The following ADAM9 variants were observed in gnomAD, a reference collection of about 807,000 sequenced individuals.
ADAM9 encodes disintegrin and metalloproteinase domain-containing protein 9.
Under a neutral mutation model 108.1 loss-of-function variants are expected in ADAM9, and 54 were observed. That is an observed-to-expected ratio of 0.50 (90% CI 0.40 to 0.63). ADAM9 has a LOEUF of 0.63. Ranked by LOEUF, ADAM9 falls within the 20% of genes least tolerant of loss-of-function variation. The pLI is 0.00. For missense variants in ADAM9, 830 were observed against 997.7 expected (o/e 0.83, Z 2.26); for synonymous variants, 316 against 336.0 (o/e 0.94, Z 0.65).
At chr8:39,094,705 A>G (rs997123494) in intron 20 of ADAM9, among the ~76,000 whole-genome samples, 2 of 152,028 alleles carry the variant, frequency 1.3e-5, no homozygotes, top group African/African-American at 4.8e-5. Flanking sequence ...TTGTTGGTGT[A>G]TGATTGTTCA....
intron 18 of ADAM9, among the ~76,000 whole-genome samples, chr8:39,085,388 A>G (rs952052212): frequency 2.0e-5 from 3 of 152,190 alleles, no homozygotes; most frequent in Non-Finnish European, 2.9e-5. Context: ...TTAATGGTAG[A>G]AAAAGTCTTT....
At chr8:39,018,995 C>G in intron 7 of ADAM9, 77 bp downstream of exon 7, 4 of 1,319,398 alleles carry the variant, frequency 3.0e-6, no homozygotes, top group Non-Finnish European at 4.4e-6. Context: ...GAAATCTAAA[C>G]TACACATTGT....
In ADAM9 at chr8:39,023,289, T is replaced by C. The variant is rs569353734; in HGVS notation, c.878T>C (p.Ile293Thr). The change falls in exon 9 of 22, where the codon ATC becomes ACC. Residue 293 changes from isoleucine to threonine, a missense_variant. By Grantham distance (89) the Ile-to-Thr change is moderately conservative (BLOSUM62 -1). Coordinates refer to ENST00000487273, the MANE Select transcript of ADAM9 (RefSeq NM_003816.3). Reference sequence around the variant, plus strand: ...GTGCAGTGGCGGGAAAAGTTTCTTATCACACGTCGGAGACATGACAGTGCA... The same window carrying C: ...GTGCAGTGGCGGGAAAAGTTTCTTACCACACGTCGGAGACATGACAGTGCA... ...NFVQWREKFLITRRRHDSAQL... is the reference protein window; with the variant it reads ...NFVQWREKFLTTRRRHDSAQL... 11 of 1,613,460 alleles carry C rather than the reference T, an allele frequency of 6.8e-6. No homozygotes were observed. The South Asian group carries it at 7.7e-5, about 11-fold the overall frequency.
intron 2 of ADAM9, among the ~76,000 whole-genome samples, chr8:39,009,906 GGC>G: frequency 1.8e-5 from 1 of 55,514 alleles, no homozygotes; most frequent in Non-Finnish European, 3.8e-5. Flanking sequence ...GGGGGGGGGG[GGC>G]AGGGAGAGAG....
At chr8:39,099,856 A>G (rs1839627639) in intron 20 of ADAM9, among the ~76,000 whole-genome samples, 2 of 135,012 alleles carry the variant, frequency 1.5e-5, no homozygotes, top group African/African-American at 5.6e-5. Flanking sequence ...AATTGTGTAT[A>G]TTTTGGGGTA....
intron 1 of ADAM9, among the ~76,000 whole-genome samples, chr8:39,002,965 C>T (rs1836051196): frequency 6.6e-6 from 1 of 152,072 alleles, no homozygotes; most frequent in South Asian, 2.1e-4. Flanking sequence ...TGCAACCTCC[C>T]CATCCTGGCT....
intron 1 of ADAM9, among the ~76,000 whole-genome samples, chr8:39,000,606 G>A (rs1835964382): frequency 6.6e-6 from 1 of 151,596 alleles, no homozygotes; most frequent in Non-Finnish European, 1.5e-5. Flanking sequence ...GGACTGCAGG[G>A]GTGTGTCACC....
At chr8:39,039,848 C>T (rs559995689) in intron 11 of ADAM9, among the ~76,000 whole-genome samples, 12 of 152,244 alleles carry the variant, frequency 7.9e-5, no homozygotes, top group East Asian at 5.8e-4. Context: ...ATAATACAGA[C>T]GTCTTTATGA....
rs1356522067 is a variant in ADAM9, at chr8:39,104,797, T to C, written c.*1097T>C. ...TATCTATGAGTTATCATCTTAGCTG[T>C]GTTAAAAATGAATTTTTACTATGGC... On this transcript the variant is annotated 3_prime_UTR_variant, in exon 22 of 22. Coordinates refer to ENST00000487273, the MANE Select transcript of ADAM9 (RefSeq NM_003816.3). 2.2e-6 allele frequency: 1 copy of C among 453,804 alleles called. No homozygotes were observed. Among genetic ancestry groups the C allele is most frequent in the Admixed American group, 2.3e-5 (1 of 42,566 alleles). 28.1% of individuals were successfully genotyped at this position (453,804 alleles called of 1,614,324 possible).
chr8:39,008,370 C>T (rs1369478790), intron 2 of ADAM9, among the ~76,000 whole-genome samples: 1 of 152,106 alleles, frequency 6.6e-6, no homozygotes, highest in Non-Finnish European at 1.5e-5. Context: ...GACAGGGTTT[C>T]ACCATGTTGG....
intron 20 of ADAM9, among the ~76,000 whole-genome samples, chr8:39,099,869 GTGTT>G (rs756629255): frequency 2.1e-4 from 24 of 116,732 alleles, no homozygotes; most frequent in South Asian, 9.1e-4. Context: ...TTGGGGTATC[GTGTT>G]TGTTTTTTTT....
intron 14 of ADAM9, among the ~76,000 whole-genome samples, chr8:39,061,568 G>A (rs182612751): frequency 1.3e-5 from 2 of 152,076 alleles, no homozygotes; most frequent in African/African-American, 4.8e-5. Context: ...AGTCTATTTT[G>A]TGCTATTATA....
chr8:39,026,947 C>A, intron 11 of ADAM9, 137 bp downstream of exon 11: 9 of 1,078,900 alleles, frequency 8.3e-6, no homozygotes, highest in Non-Finnish European at 1.2e-5. Context: ...GCATGACATA[C>A]CAATGAGAAG....
At chr8:39,019,443 C>G (rs1836661511) in intron 7 of ADAM9, among the ~76,000 whole-genome samples, 1 of 152,132 alleles carries the variant, frequency 6.6e-6, no homozygotes, top group Non-Finnish European at 1.5e-5. Context: ...GAACTAAGTG[C>G]TTTGCTTTAA....
intron 11 of ADAM9, among the ~76,000 whole-genome samples, chr8:39,029,830 T>TA (rs1452274297): frequency 6.6e-6 from 1 of 152,238 alleles, no homozygotes; most frequent in Non-Finnish European, 1.5e-5. Context: ...GATATTGACT[T>TA]ACAATTTTCT....
At chr8:39,102,706 T>TA (rs1564395555) in intron 21 of ADAM9, among the ~76,000 whole-genome samples, 1 of 152,190 alleles carries the variant, frequency 6.6e-6, no homozygotes, top group East Asian at 1.9e-4. Flanking sequence ...ACATGGACTT[T>TA]AAAATAACTA....
At position 39,044,956 on chromosome 8, in the gene ADAM9, ATG is replaced by A. The variant is rs773025676; in HGVS notation, c.1302+2846_1302+2847del. Among the ~76,000 whole-genome samples the A allele has an allele frequency of 5.8e-4, 78 of 134,972 alleles. 1 individual carries two copies. Among genetic ancestry groups the A allele is most frequent in the Admixed American group, 4.6e-3 (64 of 14,050 alleles). 88.5% of individuals were successfully genotyped at this position (134,972 alleles called of 152,430 possible). A position where few individuals can be genotyped will look rare whatever the true frequency, so the allele number is the denominator to read the frequency against. On this transcript the variant is annotated intron_variant, in intron 12 of 21. Transcript: ENST00000487273. ...TGCACACATACCTATGTATGTGTATATGTGTGTGCACACATACCTATGTATGT... is the reference window on the plus strand; with the variant it reads ...TGCACACATACCTATGTATGTGTATATGTGTGCACACATACCTATGTATGT...
intron 12 of ADAM9, 85 bp from the exon 13 acceptor site, chr8:39,054,396 A>T: frequency 8.3e-7 from 1 of 1,205,388 alleles, no homozygotes. Flanking sequence ...AATGAAGTAG[A>T]TTTTAGGTGT....
Position 39,021,829 on chromosome 8 carries a change from G to A in ADAM9, c.744+115G>A, listed in dbSNP as rs912999268. The A allele has an allele frequency of 2.7e-5, 24 of 880,028 alleles. No individual in the cohort carries two copies. In the East Asian group the frequency reaches 4.0e-4, roughly 15 times the overall value. 54.5% of individuals were successfully genotyped at this position (880,028 alleles called of 1,614,324 possible). A position where few individuals can be genotyped will look rare whatever the true frequency, so the allele number is the denominator to read the frequency against. On this transcript the variant is annotated intron_variant, in intron 8 of 21. Coordinates refer to ENST00000487273, the MANE Select transcript of ADAM9 (RefSeq NM_003816.3). ...ATTTTCATAGGGCCTCAATGACTTA[G>A]TCTTTCAGAGGTCTGCTTTCTGGTT...
Sources: allele counts gnomAD v4.1 joint callset (sites outside exome capture counted in the v4.1 genomes callset), GRCh38; gene constraint gnomAD v4.1.1; transcripts MANE v1.5; gene names NCBI Gene and HGNC (gene_info 2026-07-23, HGNC 2026-07-21).